The following ST6GAL1 variants were observed in gnomAD, a reference collection of about 807,000 sequenced individuals.
The protein encoded by ST6GAL1 is beta-galactoside alpha-2,6-sialyltransferase 1.
A neutral mutation model predicts 38.0 loss-of-function variants in ST6GAL1; 20 were observed. That is an observed-to-expected ratio of 0.53 (90% confidence interval 0.37 to 0.77). The LOEUF (loss-of-function observed/expected upper bound fraction) is 0.77. ST6GAL1 is among the 30% of genes least tolerant of loss of function. ST6GAL1 has a pLI of 0.00. For synonymous variants in ST6GAL1, 196 were observed against 188.2 expected (o/e 1.04, Z -0.34); for missense variants, 432 against 496.4 (o/e 0.87, Z 1.23).
chr3:186,983,752 G>C (rs534019650), intron 2 of ST6GAL1, among the ~76,000 whole-genome samples: 1 of 152,300 alleles, frequency 6.6e-6, no homozygotes, highest in South Asian at 2.1e-4. Context: ...ACTGAGAGCA[G>C]TTGAGTAGCC....
chr3:186,967,085 C>G (rs1164535938), intron 2 of ST6GAL1, among the ~76,000 whole-genome samples: 1 of 152,202 alleles, frequency 6.6e-6, no homozygotes, highest in Non-Finnish European at 1.5e-5. Flanking sequence ...TCCGTCCGTT[C>G]TGTCACCACT....
chr3:187,051,427 A>G (rs889507498), intron 5 of ST6GAL1, 81 bp downstream of exon 5: 178 of 1,272,570 alleles, frequency 1.4e-4, no homozygotes, highest in Non-Finnish European at 1.9e-4. Context: ...TACTGGGAGC[A>G]TATCTAGGCT....
intron 5 of ST6GAL1, among the ~76,000 whole-genome samples, chr3:187,065,943 C>T (rs1719097223): frequency 6.6e-6 from 1 of 152,316 alleles, no homozygotes; most frequent in Admixed American, 6.5e-5. Context: ...CTCACAGGAG[C>T]CCAGAAAGTA....
intron 2 of ST6GAL1, among the ~76,000 whole-genome samples, chr3:187,034,596 C>T (rs1717864791): frequency 6.6e-6 from 1 of 152,150 alleles, no homozygotes; most frequent in African/African-American, 2.4e-5. Flanking sequence ...AAGGTTGGTT[C>T]TACACAGACA....
intron 2 of ST6GAL1, among the ~76,000 whole-genome samples, chr3:186,995,539 A>C (rs1716373524): frequency 6.7e-6 from 1 of 149,812 alleles, no homozygotes; most frequent in Non-Finnish European, 1.5e-5. Context: ...AAAAAAAAAT[A>C]AAGAAATTGT....
intron 1 of ST6GAL1, among the ~76,000 whole-genome samples, chr3:186,950,402 G>C (rs181491817): frequency 5.3e-5 from 8 of 152,288 alleles, no homozygotes; most frequent in East Asian, 1.9e-4. Context: ...AGGCCTGACT[G>C]GGGGAGAGGG....
chr3:187,001,552 T>A (rs1373222496), intron 2 of ST6GAL1, among the ~76,000 whole-genome samples: 1 of 152,206 alleles, frequency 6.6e-6, no homozygotes, highest in Non-Finnish European at 1.5e-5. Context: ...TTCAGCTTCA[T>A]CTGTAAAATG....
chr3:187,042,113 C>T (rs973670922), intron 3 of ST6GAL1: 7 of 152,706 alleles, frequency 4.6e-5, no homozygotes, highest in East Asian at 3.9e-4. Context: ...TCATCTATAA[C>T]GAGAAGTCTT....
chr3:187,062,119 G>A (rs1475797286), intron 5 of ST6GAL1, among the ~76,000 whole-genome samples: 5 of 152,136 alleles, frequency 3.3e-5, no homozygotes, highest in African/African-American at 9.7e-5. Flanking sequence ...CATGAAAAGA[G>A]ACTCAACTCT....
intron 2 of ST6GAL1, among the ~76,000 whole-genome samples, chr3:187,002,646 G>A (rs1442511889): frequency 6.6e-6 from 1 of 152,164 alleles, no homozygotes; most frequent in African/African-American, 2.4e-5. Flanking sequence ...TTAGGATTTG[G>A]GGTGAGGAAA....
intron 1 of ST6GAL1, among the ~76,000 whole-genome samples, chr3:186,947,948 A>T (rs543715716): frequency 6.6e-6 from 1 of 152,334 alleles, no homozygotes; most frequent in African/African-American, 2.4e-5. Flanking sequence ...TACAGGGTTG[A>T]CACAAACAAC....
intron 1 of ST6GAL1, among the ~76,000 whole-genome samples, chr3:186,955,006 G>C (rs1714700536): frequency 6.6e-6 from 1 of 152,044 alleles, no homozygotes; most frequent in African/African-American, 2.4e-5. Flanking sequence ...TTAATTTTTG[G>C]GTAAGGTATA....
chr3:186,990,500 G>T (rs1436045710), intron 2 of ST6GAL1, among the ~76,000 whole-genome samples: 1 of 152,102 alleles, frequency 6.6e-6, no homozygotes, highest in Non-Finnish European at 1.5e-5. Context: ...ACTATTGATA[G>T]ACTTGATGAC....
chr3:186,987,180 C>G (rs1474418420), intron 2 of ST6GAL1, among the ~76,000 whole-genome samples: 3 of 92,596 alleles, frequency 3.2e-5, no homozygotes, highest in African/African-American at 4.7e-5. Context: ...GAAAGAGAGA[C>G]AGGGAGGGAG....
In ST6GAL1 at chr3:186,949,345, G is replaced by A. The variant is rs57115160; in HGVS notation, c.-324-14440G>A. 7.6e-3 allele frequency among the ~76,000 whole-genome samples: 1,150 copies of A among 152,312 alleles called. 19 individuals carry two copies. Among genetic ancestry groups the A allele is most frequent in the African/African-American group, 0.026 (1,075 of 41,558 alleles). Reference sequence around the variant, plus strand: ...AGAGTCTGCCTCAGGGATTGCCTTTGTGGACTGCACAGTGCTGGTTCTGGG... The same window carrying A: ...AGAGTCTGCCTCAGGGATTGCCTTTATGGACTGCACAGTGCTGGTTCTGGG... On this transcript the variant is annotated intron_variant, in intron 1 of 7. Transcript: ENST00000169298.
At chr3:186,953,596 C>G (rs1714652510) in intron 1 of ST6GAL1, among the ~76,000 whole-genome samples, 1 of 152,158 alleles carries the variant, frequency 6.6e-6, no homozygotes, top group South Asian at 2.1e-4. Context: ...AGTTACTACC[C>G]TGTGTCTTTT....
chr3:186,951,262 G>A (rs1336245068), intron 1 of ST6GAL1, among the ~76,000 whole-genome samples: 1 of 152,098 alleles, frequency 6.6e-6, no homozygotes, highest in Non-Finnish European at 1.5e-5. Flanking sequence ...TCACCATGTT[G>A]GTCAGGCTGG....
chr3:186,997,802 A>G (rs1231229881), intron 2 of ST6GAL1, among the ~76,000 whole-genome samples: 1 of 151,776 alleles, frequency 6.6e-6, no homozygotes, highest in Non-Finnish European at 1.5e-5. Flanking sequence ...CCATATTGAG[A>G]CAATGCTGAC....
At chr3:187,053,996 T>G (rs773149936) in intron 5 of ST6GAL1, among the ~76,000 whole-genome samples, 11 of 152,164 alleles carry the variant, frequency 7.2e-5, no homozygotes, top group Non-Finnish European at 1.6e-4. Flanking sequence ...TTGTAGTTCT[T>G]GTTGAAGAGG....
Sources: gnomAD v4.1 joint callset for allele counts (sites outside exome capture counted in the v4.1 genomes callset) on GRCh38, gnomAD v4.1.1 for gene constraint, MANE v1.5 for transcripts, NCBI Gene and HGNC (gene_info 2026-07-23, HGNC 2026-07-21) for gene names.